The following CAMK2B variants were observed in gnomAD, a reference collection of about 807,000 sequenced individuals.
CAMK2B encodes calcium/calmodulin-dependent protein kinase type II subunit beta.
CAMK2B carries 27 observed loss-of-function variants against 93.7 expected under a neutral mutation model. The ratio of observed to expected loss-of-function variants is 0.29; its 90% CI spans 0.21 to 0.40. The LOEUF is 0.40. Ranked by LOEUF, CAMK2B falls within the 10% of genes least tolerant of loss-of-function variation. The pLI, the probability that CAMK2B is intolerant of heterozygous loss-of-function variation, is 1.00. For synonymous variants in CAMK2B, 374 were observed against 358.8 expected (o/e 1.04, Z -0.48); for missense variants, 568 against 895.8 (o/e 0.63, Z 4.67).
chr7:44,302,841 C>A (rs10215216), intron 1 of CAMK2B, among the ~76,000 whole-genome samples: 10 of 151,986 alleles, frequency 6.6e-5, no homozygotes, highest in African/African-American at 2.4e-4. Flanking sequence ...CCACTAAGAT[C>A]AGGAACAAAG....
chr7:44,289,964 A>T (rs1054346908), intron 1 of CAMK2B, among the ~76,000 whole-genome samples: 1 of 152,120 alleles, frequency 6.6e-6, no homozygotes, highest in Non-Finnish European at 1.5e-5. Context: ...TTCCTCCCCA[A>T]GTGCTGGGGC....
chr7:44,240,588 C>T (rs1441921243), intron 12 of CAMK2B, 119 bp downstream of exon 12: 39 of 1,164,326 alleles, frequency 3.3e-5, no homozygotes, highest in South Asian at 5.3e-5. Context: ...TGAGGGCAGA[C>T]GCCGAGGGCA....
At chr7:44,229,686 T>C in intron 17 of CAMK2B, 185 bp from the exon 18 acceptor site, 1 of 481,094 alleles carries the variant, frequency 2.1e-6, no homozygotes, top group Non-Finnish European at 3.6e-6. Context: ...GCAGCAGGTA[T>C]GTGAAGGCTG....
In CAMK2B at chr7:44,225,639, G is replaced by T; in HGVS notation, c.1597+877C>A. Reference sequence around the variant, plus strand: ...CTGCAGCCTGCATCCCCCTCCTCGAGCCGCTGCTCCTGTGGGTTCACTCTC... The same window carrying T: ...CTGCAGCCTGCATCCCCCTCCTCGATCCGCTGCTCCTGTGGGTTCACTCTC... On this transcript the variant is annotated intron_variant, in intron 20 of 23. Coordinates refer to ENST00000395749, the MANE Select transcript of CAMK2B (RefSeq NM_001220.5). The surrounding 1 kb of genome is among the most constrained non-coding windows in gnomAD (Gnocchi z 5.0). The T allele has an allele frequency of 1.1e-6, 1 of 899,050 alleles. No individual in the cohort carries two copies. The highest frequency in any genetic ancestry group is 1.6e-6 in the Non-Finnish European group (1 of 643,512). The allele number at this position is 899,050 out of a possible 1,614,324, so 55.7% of individuals were successfully genotyped here.
At chr7:44,302,460 T>C (rs888568039) in intron 1 of CAMK2B, among the ~76,000 whole-genome samples, 3 of 152,044 alleles carry the variant, frequency 2.0e-5, no homozygotes, top group Non-Finnish European at 4.4e-5. Flanking sequence ...AGAAAAGAAA[T>C]ATACAGACCA....
chr7:44,262,851 G>A (rs565929068), intron 3 of CAMK2B, among the ~76,000 whole-genome samples, 154 bp downstream of exon 3: 192 of 152,316 alleles, frequency 1.3e-3, no homozygotes, highest in African/African-American at 3.7e-3. Flanking sequence ...GGGAGAAGAG[G>A]GGGCGTCCTC....
At chr7:44,231,355 G>A (rs1467808738) in intron 16 of CAMK2B, among the ~76,000 whole-genome samples, 1 of 152,202 alleles carries the variant, frequency 6.6e-6, no homozygotes, top group African/African-American at 2.4e-5. Context: ...GCCAGCACAG[G>A]CTGGCACGGA....
intron 1 of CAMK2B, among the ~76,000 whole-genome samples, chr7:44,304,004 C>T (rs955348477): frequency 2.6e-5 from 4 of 152,190 alleles, no homozygotes; most frequent in Non-Finnish European, 4.4e-5. Flanking sequence ...TGCTCGACAT[C>T]GTAAGTCATT....
rs1429564313 is a variant in CAMK2B, at chr7:44,325,520, G to C, written c.-99C>G. Reference sequence around the variant, plus strand: ...ACGGCGGCGACACGGGCGCGGGCGCGGGAGACACCTCGGCTCGCGGCGCCA... The same window carrying C: ...ACGGCGGCGACACGGGCGCGGGCGCCGGAGACACCTCGGCTCGCGGCGCCA... On this transcript the variant is annotated 5_prime_UTR_variant, in exon 1 of 24. Coordinates refer to ENST00000395749, the MANE Select transcript of CAMK2B (RefSeq NM_001220.5). 2.9e-6 allele frequency: 2 copies of C among 694,946 alleles called. No individual in the cohort carries two copies. The highest frequency in any genetic ancestry group is 1.3e-4 in the East Asian group (1 of 7,454). 43.0% of individuals were successfully genotyped at this position (694,946 alleles called of 1,614,324 possible). A position where few individuals can be genotyped will look rare whatever the true frequency, so the allele number is the denominator to read the frequency against.
chr7:44,309,858 C>T (rs1235588573), intron 1 of CAMK2B, among the ~76,000 whole-genome samples: 1 of 152,106 alleles, frequency 6.6e-6, no homozygotes, highest in Non-Finnish European at 1.5e-5. Context: ...CTTGCAGCGA[C>T]CTTCAAAGGC....
intron 1 of CAMK2B, among the ~76,000 whole-genome samples, chr7:44,285,562 C>T (rs543154258): frequency 2.6e-5 from 4 of 152,140 alleles, no homozygotes; most frequent in African/African-American, 7.2e-5. Context: ...GTCTTACATA[C>T]GAACACCGTT....
chr7:44,244,297 C>A (rs112896351), intron 6 of CAMK2B, among the ~76,000 whole-genome samples: 1 of 152,168 alleles, frequency 6.6e-6, no homozygotes, highest in African/African-American at 2.4e-5. Flanking sequence ...CTTGCAGCAG[C>A]GGCCAAGGAG....
chr7:44,281,384 C>T (rs991350736), intron 2 of CAMK2B, among the ~76,000 whole-genome samples: 1 of 152,198 alleles, frequency 6.6e-6, no homozygotes, highest in Non-Finnish European at 1.5e-5. Flanking sequence ...CTTGATCATC[C>T]CCGTGCCTGG....
intron 22 of CAMK2B, 23 bp from the exon 23 acceptor site, chr7:44,220,317 G>C (rs761121161): frequency 6.3e-7 from 1 of 1,583,340 alleles, no homozygotes; most frequent in Admixed American, 1.7e-5. Context: ...GGCGGGGCGG[G>C]GGTCTCGGGT....
intron 13 of CAMK2B, 73 bp downstream of exon 13, chr7:44,239,516 G>T: frequency 7.4e-7 from 1 of 1,359,890 alleles, no homozygotes; most frequent in Non-Finnish European, 1.0e-6. Context: ...CAGCGGCTGC[G>T]TGCAGCAGGG....
At chr7:44,245,032 G>T in intron 6 of CAMK2B, 1 of 454,234 alleles carries the variant, frequency 2.2e-6, no homozygotes, top group African/African-American at 2.0e-5. Flanking sequence ...GGAGAAGTTG[G>T]ACAGAGGAGG....
chr7:44,249,347 G>A (rs974396796), intron 5 of CAMK2B, among the ~76,000 whole-genome samples: 9 of 152,188 alleles, frequency 5.9e-5, no homozygotes. Flanking sequence ...AGGCTGTGGG[G>A]TCAGATATCC....
intron 18 of CAMK2B, 32 bp from the exon 19 acceptor site, chr7:44,228,956 G>A (rs988580900): frequency 6.2e-7 from 1 of 1,606,556 alleles, no homozygotes; most frequent in Admixed American, 1.7e-5. Context: ...GTGAACATGA[G>A]GCAGACAGAC....
Position 44,232,884 on chromosome 7 carries a change from C to T in CAMK2B, c.1132-18G>A, listed in dbSNP as rs375164317. 92 of 1,611,922 alleles carry T rather than the reference C, an allele frequency of 5.7e-5. No individual in the cohort carries two copies. Among genetic ancestry groups the T allele is most frequent in the Non-Finnish European group, 7.6e-5 (90 of 1,178,306 alleles). On this transcript the variant is annotated intron_variant, in intron 15 of 23. Transcript: ENST00000395749. Reference sequence around the variant, plus strand: ...TGAGGCTCCTACAGAAGAAGGAAGACACAGAGGAAGGAAAGAGAGGGAAAG... The same window carrying T: ...TGAGGCTCCTACAGAAGAAGGAAGATACAGAGGAAGGAAAGAGAGGGAAAG...
Sources: gnomAD v4.1 joint callset for allele counts (sites outside exome capture counted in the v4.1 genomes callset) on GRCh38, gnomAD v4.1.1 for gene constraint, Gnocchi (gnomAD v3.1) non-coding constraint, MANE v1.5 for transcripts, NCBI Gene and HGNC (gene_info 2026-07-23, HGNC 2026-07-21) for gene names.